Variants in PLAUR observed in about 807,000 individuals in gnomAD.
PLAUR encodes the protein urokinase plasminogen activator surface receptor.
In PLAUR, 22 loss-of-function variants were observed where a neutral mutation model predicts 33.4. The ratio of observed to expected loss-of-function variants is 0.66; its 90% CI spans 0.47 to 0.94. PLAUR has a LOEUF of 0.94. Ranked by LOEUF, PLAUR falls within the 40% of genes least tolerant of loss-of-function variation. PLAUR has a pLI of 0.00. For missense variants in PLAUR, 408 were observed against 434.7 expected (o/e 0.94, Z 0.55); for synonymous variants, 148 against 167.3 (o/e 0.88, Z 0.89).
intron 1 of PLAUR, 109 bp downstream of exon 1, chr19:43,669,957 G>A: frequency 1.0e-6 from 1 of 983,198 alleles, no homozygotes; most frequent in Non-Finnish European, 1.6e-6. Flanking sequence ...ATTTGATTAG[G>A]GAGGATGCTG....
chr19:43,646,513 T>A (rs1257876322), downstream of PLAUR: 3 of 717,832 alleles, frequency 4.2e-6, no homozygotes, highest in Non-Finnish European at 7.8e-6. Context: ...GCAGTAGTAC[T>A]TTTACATGGC....
chr19:43,652,450 C>G (rs765642871), intron 5 of PLAUR, 79 bp from the exon 6 acceptor site: 373 of 1,374,076 alleles, frequency 2.7e-4, no homozygotes, highest in Non-Finnish European at 3.6e-4. Context: ...CTCCCCAGGA[C>G]TTCCACTCCG....
intron 6 of PLAUR, chr19:43,652,006 C>T (rs1372671866): frequency 1.5e-6 from 2 of 1,317,552 alleles, no homozygotes; most frequent in Non-Finnish European, 2.0e-6. Context: ...GCTTCAGCCA[C>T]CGCACCCAGC....
chr19:43,649,435 G>A (rs531933798), intron 6 of PLAUR, among the ~76,000 whole-genome samples: 6 of 152,230 alleles, frequency 3.9e-5, no homozygotes, highest in Admixed American at 2.6e-4. Flanking sequence ...AGCTACTTGG[G>A]AGGCTGAGAT....
At position 43,656,559 on chromosome 19, in the gene PLAUR, C is replaced by G. The variant is rs780621910; in HGVS notation, c.392G>C (p.Arg131Pro). The change falls in exon 4 of 7, where the codon CGG (arginine) becomes CCG (proline). Residue 131 changes from arginine (R) to proline (P), a missense_variant. Transcript: ENST00000340093. ...GCTGCGGCACTGCAGGCTCTGGTGC[C>G]GGCCCCTCTCACAGCTCATGTCTGA... ...GSSDMSCERG[R>P]HQSLQCRSPE... 1 of 1,613,176 alleles carries G rather than the reference C, an allele frequency of 6.2e-7. No individual in the cohort carries two copies. The highest frequency in any genetic ancestry group is 8.5e-7 in the Non-Finnish European group (1 of 1,179,446).
In PLAUR at chr19:43,657,396, G is replaced by C. The variant is rs4251870; in HGVS notation, c.311-756C>G. On this transcript the variant is annotated intron_variant, in intron 3 of 6. Coordinates refer to ENST00000340093, the MANE Select transcript of PLAUR (RefSeq NM_002659.4). ...ATACTGGGGCCTGAGCACCTCTCCT[G>C]CCTCGTCTCCCTCCACTACACCCTG... Among the ~76,000 whole-genome samples, 519 of 152,214 alleles carry C rather than the reference G, an allele frequency of 3.4e-3. 6 individuals carry two copies. The highest frequency in any genetic ancestry group is 0.012 in the African/African-American group (482 of 41,536).
intron 5 of PLAUR, among the ~76,000 whole-genome samples, chr19:43,652,786 G>T (rs1331854172): frequency 6.6e-6 from 1 of 152,072 alleles, no homozygotes; most frequent in Non-Finnish European, 1.5e-5. Flanking sequence ...GAGTAGCTGG[G>T]ACTACAGGCG....
intron 3 of PLAUR, among the ~76,000 whole-genome samples, chr19:43,662,029 G>C (rs1037452414): frequency 6.6e-6 from 1 of 152,094 alleles, no homozygotes; most frequent in Non-Finnish European, 1.5e-5. Flanking sequence ...ACTGTGCCTA[G>C]CCTGAATAGC....
At chr19:43,659,334 G>A (rs1259244836) in intron 3 of PLAUR, among the ~76,000 whole-genome samples, 1 of 151,592 alleles carries the variant, frequency 6.6e-6, no homozygotes, top group Admixed American at 6.6e-5. Context: ...CTGTATTTTT[G>A]TAGAGACAAG....
Position 43,648,700 on chromosome 19 carries a change from C to T in PLAUR, c.*190G>A. 1.2e-6 allele frequency: 1 copy of T among 801,456 alleles called. No homozygotes were observed. Among genetic ancestry groups the T allele is most frequent in the Non-Finnish European group, 1.9e-6 (1 of 536,526 alleles). 49.6% of individuals were successfully genotyped at this position (801,456 alleles called of 1,614,324 possible). A position where few individuals can be genotyped will look rare whatever the true frequency, so the allele number is the denominator to read the frequency against. ...AAGAGCTCTCCCATTGGCCCACGGC[C>T]TTCCTCCAGCTTTTCTCTTCTGCTT... On this transcript the variant is annotated 3_prime_UTR_variant, in exon 7 of 7. Transcript: ENST00000340093.
intron 1 of PLAUR, 102 bp from the exon 2 acceptor site, chr19:43,667,793 C>T: frequency 4.6e-6 from 7 of 1,510,022 alleles, no homozygotes; most frequent in Non-Finnish European, 6.2e-6. Flanking sequence ...TCTCCAGGCC[C>T]CGTCCATTCA....
intron 3 of PLAUR, chr19:43,660,951 G>A (rs1966958291): frequency 6.6e-6 from 1 of 152,048 alleles, no homozygotes; most frequent in African/African-American, 2.4e-5. Context: ...GGTGGTCTTA[G>A]GGGGAAAGCC....
intron 1 of PLAUR, chr19:43,668,277 T>A (rs1035785424): frequency 5.1e-6 from 5 of 986,638 alleles, no homozygotes; most frequent in Non-Finnish European, 6.0e-6. Context: ...TGTTAGATAC[T>A]CTAGTTTCCC....
chr19:43,659,617 T>C (rs1334490834), intron 3 of PLAUR, among the ~76,000 whole-genome samples: 1 of 152,202 alleles, frequency 6.6e-6, no homozygotes, highest in Non-Finnish European at 1.5e-5. Context: ...CGAGGCCCCA[T>C]GGCTATACCT....
chr19:43,656,867 C>T (rs1421640831), intron 3 of PLAUR: 1 of 391,352 alleles, frequency 2.6e-6, no homozygotes, highest in Non-Finnish European at 4.6e-6. Context: ...TCCCTAGCCT[C>T]TGGGTTTCCA....
At chr19:43,647,038 C>T (rs1402575460), downstream of PLAUR, among the ~76,000 whole-genome samples, 1 of 152,086 alleles carries the variant, frequency 6.6e-6, no homozygotes, top group African/African-American at 2.4e-5. Flanking sequence ...CCTCGGCCTC[C>T]CAAAGTGCTG....
At chr19:43,666,125 C>T (rs1967232224) in intron 2 of PLAUR, among the ~76,000 whole-genome samples, 1 of 151,866 alleles carries the variant, frequency 6.6e-6, no homozygotes, top group African/African-American at 2.4e-5. Flanking sequence ...CCAGCTGGGG[C>T]AATCATAGCT....
intron 1 of PLAUR, among the ~76,000 whole-genome samples, chr19:43,669,466 A>G (rs561136862): frequency 6.6e-6 from 1 of 152,294 alleles, no homozygotes. Context: ...ATAAAGTCCC[A>G]TCGCCTAGTT....
chr19:43,649,891 T>C (rs569143379), intron 6 of PLAUR, among the ~76,000 whole-genome samples: 1 of 152,222 alleles, frequency 6.6e-6, no homozygotes, highest in African/African-American at 2.4e-5. Flanking sequence ...CTCCAGGACA[T>C]GTGATATTGC....
Sources: gnomAD v4.1 joint callset for allele counts (sites outside exome capture counted in the v4.1 genomes callset) on GRCh38, gnomAD v4.1.1 for gene constraint, MANE v1.5 for transcripts, NCBI Gene and HGNC (gene_info 2026-07-23, HGNC 2026-07-21) for gene names.